CADPS2: variants seen among roughly 807,000 people sequenced by gnomAD.
CADPS2 encodes calcium-dependent secretion activator 2.
Under a neutral mutation model 172.5 loss-of-function variants are expected in CADPS2, and 93 were observed. The observed-to-expected ratio is 0.54, with a 90% CI of 0.46 to 0.64. The LOEUF (loss-of-function observed/expected upper bound fraction) is 0.64, where lower values mean the gene tolerates loss of function less well. Among genes scored for constraint, CADPS2 ranks in the 30% least tolerant of loss-of-function variants. The pLI is 0.00. For missense variants in CADPS2, 1,420 were observed against 1,565.9 expected, an observed-to-expected ratio of 0.91 and a Z score of 1.57; for synonymous variants, 546 against 555.2, an observed-to-expected ratio of 0.98 and a Z score of 0.23.
At chr7:122,402,616 C>T (rs2046098118) in intron 20 of CADPS2, among the ~76,000 whole-genome samples, 3 of 152,182 alleles carry the variant, frequency 2.0e-5, no homozygotes, top group Admixed American at 2.0e-4. Context: ...TTTCAAGCCA[C>T]TAATTAAGTA....
In CADPS2 at chr7:122,320,177, T is replaced by C; in HGVS notation, c.3879A>G (p.Glu1293=). The C allele has an allele frequency of 6.2e-7, 1 of 1,602,864 alleles. No homozygotes were observed. The highest frequency in any genetic ancestry group is 8.5e-7 in the Non-Finnish European group (1 of 1,175,280). ...AAGCTGTGTGATATCAGCCTTCTTC[T>C]TCTTCGTCACTGTCTTTCATAGTAA... ...QGITMKDSDE[E]EEG The change falls in exon 30 of 30, where the codon GAA becomes GAG. Residue 1293 remains glutamate, a synonymous_variant. Transcript: ENST00000449022.
At chr7:122,393,143 C>A in intron 22 of CADPS2, 53 bp downstream of exon 22, 1 of 1,598,680 alleles carries the variant, frequency 6.3e-7, no homozygotes, top group Non-Finnish European at 8.5e-7. Flanking sequence ...AGAACACAGC[C>A]CAGGCCATGC....
intron 6 of CADPS2, among the ~76,000 whole-genome samples, chr7:122,614,520 C>T (rs939345111): frequency 6.6e-6 from 1 of 152,092 alleles, no homozygotes; most frequent in African/African-American, 2.4e-5. Flanking sequence ...AGGTAATGCA[C>T]AAATGAAGGC....
chr7:122,738,889 G>A (rs769687839), intron 1 of CADPS2, among the ~76,000 whole-genome samples: 6 of 150,350 alleles, frequency 4.0e-5, no homozygotes, highest in Non-Finnish European at 5.9e-5. Flanking sequence ...CATGGGCAGC[G>A]AAGAAAGAAG....
chr7:122,741,950 A>G (rs766799122), intron 1 of CADPS2, among the ~76,000 whole-genome samples: 1 of 152,182 alleles, frequency 6.6e-6, no homozygotes, highest in African/African-American at 2.4e-5. Context: ...AGTTCGCTCC[A>G]ATATCCTGGG....
At chr7:122,697,741 C>A (rs768267303) in intron 2 of CADPS2, 8 of 1,422,112 alleles carry the variant, frequency 5.6e-6, no homozygotes, top group South Asian at 1.4e-5. Context: ...AGTATTAGGA[C>A]CTGATTTCAC....
intron 17 of CADPS2, among the ~76,000 whole-genome samples, chr7:122,429,865 G>A (rs1272294132): frequency 1.3e-5 from 2 of 150,168 alleles, no homozygotes; most frequent in Non-Finnish European, 1.5e-5. Flanking sequence ...ACAAAAATTT[G>A]CCACAAACTG....
At chr7:122,628,436 C>T (rs901609809) in intron 4 of CADPS2, among the ~76,000 whole-genome samples, 1 of 150,874 alleles carries the variant, frequency 6.6e-6, no homozygotes, top group African/African-American at 2.4e-5. Context: ...ATACATGTTA[C>T]GAGAGAGAGA....
intron 6 of CADPS2, among the ~76,000 whole-genome samples, chr7:122,609,286 G>C (rs558903044): frequency 6.6e-6 from 1 of 152,122 alleles, no homozygotes; most frequent in African/African-American, 2.4e-5. Context: ...CCCCACAGCT[G>C]GTCATCCCTC....
intron 19 of CADPS2, among the ~76,000 whole-genome samples, chr7:122,410,962 C>T (rs142348044): frequency 6.6e-6 from 1 of 152,226 alleles, no homozygotes; most frequent in African/African-American, 2.4e-5. Context: ...AAATAACTTG[C>T]CCAAAGTCAT....
intron 15 of CADPS2, among the ~76,000 whole-genome samples, chr7:122,447,562 T>TC (rs1175510048): frequency 3.7e-5 from 5 of 135,872 alleles, no homozygotes; most frequent in Non-Finnish European, 6.3e-5. Flanking sequence ...TTTTTTTTTT[T>TC]TTTTTTTTTG....
At chr7:122,419,357 T>C (rs1161688285) in intron 17 of CADPS2, among the ~76,000 whole-genome samples, 1 of 152,196 alleles carries the variant, frequency 6.6e-6, no homozygotes, top group East Asian at 1.9e-4. Flanking sequence ...AACTGACAAA[T>C]GTTTAGTTCT....
chr7:122,541,784 TATATTTATATATTC>T, intron 8 of CADPS2, among the ~76,000 whole-genome samples: 1 of 104,746 alleles, frequency 9.5e-6, no homozygotes, highest in Non-Finnish European at 2.2e-5. Flanking sequence ...CATATATTCA[TATATTTATATATTC>T]ATATATATTT....
At position 122,736,957 on chromosome 7, in the gene CADPS2, C is replaced by T; in HGVS notation, c.451G>A (p.Glu151Lys). 1 of 1,561,878 alleles carries T rather than the reference C, an allele frequency of 6.4e-7. No individual in the cohort carries two copies. Among genetic ancestry groups the T allele is most frequent in the South Asian group, 1.1e-5 (1 of 88,832 alleles). ...AFCNAVRSYY[E>K]VFLKSDRVAR... ...AAAACAAAGCTCTTCAAACTTACCTCATAATAACTCCGAACTGCGTTGCAA... is the reference window on the plus strand; with the variant it reads ...AAAACAAAGCTCTTCAAACTTACCTTATAATAACTCCGAACTGCGTTGCAA... The change falls in exon 2 of 30, where the codon GAG becomes AAG. Residue 151 changes from glutamate (E) to lysine (K), a missense_variant and splice_region_variant. Glu to Lys is a moderately conservative substitution (Grantham distance 56). Coordinates refer to ENST00000449022, the MANE Select transcript of CADPS2 (RefSeq NM_017954.11).
intron 6 of CADPS2, among the ~76,000 whole-genome samples, chr7:122,611,723 C>T (rs1169508453): frequency 1.3e-5 from 2 of 151,916 alleles, no homozygotes; most frequent in African/African-American, 2.4e-5. Context: ...TCTACAAGGC[C>T]ACTATTACCC....
chr7:122,539,277 C>A (rs1382752181), intron 8 of CADPS2, among the ~76,000 whole-genome samples: 2 of 152,092 alleles, frequency 1.3e-5, no homozygotes, highest in Non-Finnish European at 2.9e-5. Flanking sequence ...ATTCAGCCCC[C>A]CTCTCTCTTT....
At chr7:122,523,811 G>A (rs1014245535) in intron 8 of CADPS2, among the ~76,000 whole-genome samples, 1 of 152,126 alleles carries the variant, frequency 6.6e-6, no homozygotes, top group Non-Finnish European at 1.5e-5. Context: ...GGCTTTCCAA[G>A]CTGATTATAA....
intron 9 of CADPS2, among the ~76,000 whole-genome samples, chr7:122,512,777 T>A (rs555205911): frequency 1.6e-4 from 24 of 152,282 alleles, no homozygotes; most frequent in Non-Finnish European, 3.1e-4. Context: ...AATGATGCAG[T>A]GGTTCTCAAG....
At chr7:122,403,625 A>G (rs1378447342) in intron 20 of CADPS2, among the ~76,000 whole-genome samples, 2 of 152,194 alleles carry the variant, frequency 1.3e-5, no homozygotes, top group Non-Finnish European at 2.9e-5. Context: ...TTTTATAGTT[A>G]GAATTATGAA....
Sources: allele counts gnomAD v4.1 joint callset (sites outside exome capture counted in the v4.1 genomes callset), GRCh38; gene constraint gnomAD v4.1.1; transcripts MANE v1.5; gene names NCBI Gene and HGNC (gene_info 2026-07-23, HGNC 2026-07-21).